Variants in RBFOX1 observed in about 807,000 individuals in gnomAD.
RBFOX1 encodes RNA binding fox-1 homolog 1.
Under a neutral mutation model 57.7 loss-of-function variants are expected in RBFOX1, and 8 were observed. The observed-to-expected ratio is 0.14, with a 90% confidence interval of 0.08 to 0.25. The LOEUF is 0.25. RBFOX1 is among the 10% of genes least tolerant of loss of function. RBFOX1 has a pLI of 1.00. For synonymous variants in RBFOX1, 326 were observed against 222.4 expected (o/e 1.47, Z -4.15); for missense variants, 611 against 548.5 (o/e 1.11, Z -1.14).
At chr16:7,482,442 C>T (rs931076595) in intron 4 of RBFOX1, among the ~76,000 whole-genome samples, 13 of 150,126 alleles carry the variant, frequency 8.7e-5, no homozygotes, top group Non-Finnish European at 2.9e-5. Flanking sequence ...CCTTATACCT[C>T]TTCAGCCCCT....
intron 3 of RBFOX1, among the ~76,000 whole-genome samples, chr16:6,933,683 C>G (rs576010030): frequency 7.2e-5 from 11 of 152,330 alleles, no homozygotes; most frequent in East Asian, 1.9e-4. Context: ...ACTGCACACT[C>G]CAGCCTGGGG....
rs141711018 is a variant in RBFOX1, at chr16:6,840,519, G to A, written c.-16+185869G>A. 3.3e-5 allele frequency among the ~76,000 whole-genome samples: 5 copies of A among 152,244 alleles called. No individual in the cohort carries two copies. The East Asian group carries it at 9.7e-4, about 29-fold the overall frequency. On this transcript the variant is annotated intron_variant, in intron 3 of 15. Transcript: ENST00000550418. ...TTGAAATTCTAATCCCAAGGTGATA[G>A]TATTAGAAAATGGGATCTTTGGGAG...
Position 7,125,548 on chromosome 16 carries a change from T to A in RBFOX1, c.27+73450T>A, listed in dbSNP as rs78651704. On this transcript the variant is annotated intron_variant, in intron 4 of 15. Coordinates refer to ENST00000550418, the MANE Select transcript of RBFOX1 (RefSeq NM_018723.4). Reference sequence around the variant, plus strand: ...TTAACACACATTTTTTGATAACTTATGATGTGCCAAGTCATGGATGGTTCT... The same window carrying A: ...TTAACACACATTTTTTGATAACTTAAGATGTGCCAAGTCATGGATGGTTCT... Among the ~76,000 whole-genome samples the A allele has an allele frequency of 8.6e-3, 1,308 of 152,256 alleles. 14 individuals are homozygous for A. The highest frequency in any genetic ancestry group is 0.012 in the Non-Finnish European group (843 of 68,020).
intron 4 of RBFOX1, among the ~76,000 whole-genome samples, chr16:7,160,392 C>A (rs8061968): frequency 3.9e-5 from 6 of 151,912 alleles, no homozygotes; most frequent in African/African-American, 1.4e-4. Context: ...CTCTTCTGTA[C>A]TTTTCATCTT....
chr16:6,310,579 C>T (rs1226081915), intron 1 of RBFOX1, among the ~76,000 whole-genome samples: 1 of 152,144 alleles, frequency 6.6e-6, no homozygotes, highest in Non-Finnish European at 1.5e-5. Flanking sequence ...AAAACTGAAG[C>T]TCCAAGCGGT....
At chr16:7,253,170 T>A (rs2094554279) in intron 4 of RBFOX1, among the ~76,000 whole-genome samples, 1 of 152,214 alleles carries the variant, frequency 6.6e-6, no homozygotes, top group African/African-American at 2.4e-5. Flanking sequence ...TTCTCCACTT[T>A]CTTGTTTCTT....
At chr16:7,026,408 A>G (rs1013890335) in intron 3 of RBFOX1, among the ~76,000 whole-genome samples, 5 of 152,206 alleles carry the variant, frequency 3.3e-5, no homozygotes, top group African/African-American at 1.2e-4. Flanking sequence ...TGGGTAAAGA[A>G]CAGTTGAGGG....
intron 3 of RBFOX1, among the ~76,000 whole-genome samples, chr16:6,971,043 A>C (rs2085419349): frequency 6.6e-6 from 1 of 152,184 alleles, no homozygotes; most frequent in Admixed American, 6.5e-5. Flanking sequence ...ATACTATCTA[A>C]TCTGTCCAAG....
chr16:7,586,264 G>A (rs539593633), intron 6 of RBFOX1, among the ~76,000 whole-genome samples: 33 of 152,072 alleles, frequency 2.2e-4, no homozygotes, highest in Non-Finnish European at 4.4e-4. Context: ...CTGTACTCAA[G>A]AAATGGCCAC....
intron 2 of RBFOX1, among the ~76,000 whole-genome samples, chr16:6,436,171 A>G (rs1199457490): frequency 6.6e-6 from 1 of 152,240 alleles, no homozygotes; most frequent in Non-Finnish European, 1.5e-5. Flanking sequence ...ATGCAGCTCA[A>G]TACAGTTAAG....
chr16:6,410,196 G>A (rs1198900920), intron 2 of RBFOX1, among the ~76,000 whole-genome samples: 1 of 127,744 alleles, frequency 7.8e-6, no homozygotes, highest in Non-Finnish European at 1.8e-5. Context: ...GTGTGTGTGT[G>A]TGTGTGTGCT....
intron 3 of RBFOX1, among the ~76,000 whole-genome samples, chr16:5,690,235 C>G (rs541711598): frequency 2.6e-5 from 4 of 152,210 alleles, no homozygotes; most frequent in Non-Finnish European, 5.9e-5. Context: ...TGAGCTCCAC[C>G]TGAATGCATG....
intron 3 of RBFOX1, among the ~76,000 whole-genome samples, chr16:6,807,933 A>G (rs2087308065): frequency 7.0e-6 from 1 of 142,950 alleles, no homozygotes; most frequent in Non-Finnish European, 1.5e-5. Flanking sequence ...TATAGGGTAT[A>G]ATATGCATAT....
At chr16:7,046,076 C>G (rs1031870704) in intron 3 of RBFOX1, among the ~76,000 whole-genome samples, 6 of 151,928 alleles carry the variant, frequency 3.9e-5, no homozygotes, top group East Asian at 3.9e-4. Flanking sequence ...TATAAATGCC[C>G]TGTATGTCAC....
At chr16:7,546,224 G>A (rs934832687) in intron 5 of RBFOX1, among the ~76,000 whole-genome samples, 35 of 152,126 alleles carry the variant, frequency 2.3e-4, no homozygotes, top group Non-Finnish European at 4.1e-4. Context: ...GTACTTAGGA[G>A]CCTGAGGTGG....
intron 4 of RBFOX1, among the ~76,000 whole-genome samples, chr16:7,214,760 C>T (rs1204931868): frequency 2.0e-5 from 3 of 152,134 alleles, no homozygotes; most frequent in South Asian, 4.1e-4. Context: ...TCCATGGTTT[C>T]CTTCACTGTC....
At chr16:6,043,531 G>A (rs1412356275) in intron 1 of RBFOX1, among the ~76,000 whole-genome samples, 2 of 152,168 alleles carry the variant, frequency 1.3e-5, no homozygotes, top group Non-Finnish European at 2.9e-5. Context: ...GAATGCTAAT[G>A]CTGAAGTCAG....
chr16:7,210,825 A>G (rs968416956), intron 4 of RBFOX1, among the ~76,000 whole-genome samples: 3 of 152,170 alleles, frequency 2.0e-5, no homozygotes, highest in African/African-American at 4.8e-5. Context: ...TAGAGATCCA[A>G]TGTACAGTAT....
At chr16:5,693,799 G>A (rs950089069) in intron 3 of RBFOX1, among the ~76,000 whole-genome samples, 7 of 152,242 alleles carry the variant, frequency 4.6e-5, no homozygotes, top group African/African-American at 1.7e-4. Flanking sequence ...CTTATAAGTA[G>A]GCAACTTCTC....
Sources: allele counts gnomAD v4.1 joint callset (sites outside exome capture counted in the v4.1 genomes callset), GRCh38; gene constraint gnomAD v4.1.1; transcripts MANE v1.5; gene names NCBI Gene and HGNC (gene_info 2026-07-23, HGNC 2026-07-21).